SLC3A1: variants seen among roughly 807,000 people sequenced by gnomAD.
SLC3A1 encodes the protein amino acid transporter heavy chain SLC3A1.
SLC3A1 carries 78 observed loss-of-function variants against 60.3 expected under a neutral mutation model. That is an observed-to-expected ratio of 1.29 (90% CI 1.08 to 1.56). The LOEUF (loss-of-function observed/expected upper bound fraction) is 1.56, where lower values mean the gene tolerates loss of function less well. Ranked by LOEUF, SLC3A1 falls within the 40% of genes most tolerant of loss-of-function variation. The probability of loss-of-function intolerance (pLI) is 0.00; values close to 1 mark genes in which losing one functional copy is unlikely to be tolerated. For missense variants in SLC3A1, 1,172 were observed against 858.9 expected (o/e 1.36, Z -4.56); for synonymous variants, 392 against 307.9 (o/e 1.27, Z -2.86).
Position 44,280,990 on chromosome 2 carries a change from A to T in SLC3A1, c.610+95A>T. On this transcript the variant is annotated intron_variant, in intron 2 of 9. Transcript: ENST00000260649. ...AAAGCATTTCTTCTCCTTAACTGTC[A>T]TATACTATTTCTTTCCCTCCCTCCC... 2 of 1,091,228 alleles carry T rather than the reference A, an allele frequency of 1.8e-6. 1 individual carries two copies. Among genetic ancestry groups the T allele is most frequent in the South Asian group, 2.5e-5 (2 of 78,472 alleles). The allele number at this position is 1,091,228 out of a possible 1,614,324, so 67.6% of individuals were successfully genotyped here.
chr2:44,296,077 G>A (rs1030011358), intron 4 of SLC3A1, among the ~76,000 whole-genome samples: 5 of 152,130 alleles, frequency 3.3e-5, no homozygotes, highest in Non-Finnish European at 7.4e-5. Context: ...TCATAGTAAG[G>A]TCACTCCTGA....
rs1390411732 is a variant in SLC3A1 at position 44,313,273 on chromosome 2, G to T, written c.1500+520G>T. Among the ~76,000 whole-genome samples, 6 of 152,136 alleles carry T rather than the reference G, an allele frequency of 3.9e-5. No individual in the cohort carries two copies. The East Asian group carries it at 1.2e-3, about 29-fold the overall frequency. ...TTTTATTTTGTAGCTACAGATTTCA[G>T]AATTGTGTTGCTGGGTAGACGACTA... is the stretch of plus-strand genomic sequence containing the variant. On this transcript the variant is annotated intron_variant, in intron 8 of 9. Transcript: ENST00000260649.
At position 44,300,064 on chromosome 2, in the gene SLC3A1, A is replaced by T. The variant is rs758620773; in HGVS notation, c.985A>T (p.Ile329Phe). Residue 329 changes from isoleucine (I) to phenylalanine (F), a missense_variant, in exon 5 of 10, where the codon ATC becomes TTC. Transcript: ENST00000260649. ...LLEAKHLRDEIQVNKTQIPDT... is the reference protein window; with the variant it reads ...LLEAKHLRDEFQVNKTQIPDT... ...AGAAGCAAAGCACCTGAGAGATGAG[A>T]TCCAAGTAAATAAGACCCAAATCCC... is the stretch of plus-strand genomic sequence containing the variant. 11 of 1,613,846 alleles carry T rather than the reference A, an allele frequency of 6.8e-6. No individual in the cohort carries two copies. The highest frequency in any genetic ancestry group is 9.3e-6 in the Non-Finnish European group (11 of 1,179,878).
chr2:44,289,550 T>C (rs1272911410), intron 4 of SLC3A1, among the ~76,000 whole-genome samples: 2 of 152,000 alleles, frequency 1.3e-5, no homozygotes, highest in East Asian at 3.9e-4. Flanking sequence ...AAATAATTTT[T>C]CCTATTCTGT....
chr2:44,316,202 A>C (rs1327282604), intron 9 of SLC3A1: 1 of 152,250 alleles, frequency 6.6e-6, no homozygotes, highest in East Asian at 1.9e-4. Context: ...CAAGGCCATA[A>C]AAGGGAGACA....
chr2:44,303,584 ATTTT>A (rs375151265), intron 6 of SLC3A1, among the ~76,000 whole-genome samples: 1 of 151,256 alleles, frequency 6.6e-6, no homozygotes, highest in African/African-American at 2.4e-5. Context: ...TTTCTGCCTT[ATTTT>A]TTATTATTAT....
chr2:44,281,950 C>T (rs1671509321), intron 3 of SLC3A1, among the ~76,000 whole-genome samples: 1 of 152,156 alleles, frequency 6.6e-6, no homozygotes, highest in African/African-American at 2.4e-5. Context: ...TCTCAGCTCA[C>T]TGCAAACTCC....
At chr2:44,297,504 C>G (rs1330125606) in intron 4 of SLC3A1, among the ~76,000 whole-genome samples, 2 of 152,192 alleles carry the variant, frequency 1.3e-5, no homozygotes, top group Non-Finnish European at 2.9e-5. Flanking sequence ...TGTGCCCACC[C>G]ACATATTTTG....
intron 1 of SLC3A1, among the ~76,000 whole-genome samples, chr2:44,278,517 C>T (rs1487741262): frequency 2.0e-5 from 3 of 151,790 alleles, no homozygotes; most frequent in East Asian, 1.9e-4. Flanking sequence ...AGGGGAAAAG[C>T]CCAGATCCCA....
At chr2:44,311,698 ATCATTT>A (rs1672301356) in intron 7 of SLC3A1, among the ~76,000 whole-genome samples, 1 of 148,544 alleles carries the variant, frequency 6.7e-6, no homozygotes, top group Non-Finnish European at 1.5e-5. Flanking sequence ...AATTATAAAG[ATCATTT>A]TCATACAGCT....
chr2:44,302,136 T>C (rs958128618), intron 6 of SLC3A1, among the ~76,000 whole-genome samples: 2 of 152,200 alleles, frequency 1.3e-5, no homozygotes, highest in Non-Finnish European at 2.9e-5. Flanking sequence ...CCTAGTACAG[T>C]ATATAAATCC....
At chr2:44,277,857 A>G (rs535074982) in intron 1 of SLC3A1, among the ~76,000 whole-genome samples, 6 of 152,158 alleles carry the variant, frequency 3.9e-5, no homozygotes, top group Admixed American at 3.3e-4. Flanking sequence ...CCTGCAATCC[A>G]TAGGCATTTG....
At chr2:44,282,465 G>C (rs987114260) in intron 3 of SLC3A1, among the ~76,000 whole-genome samples, 6 of 151,900 alleles carry the variant, frequency 3.9e-5, no homozygotes, top group Admixed American at 3.9e-4. Context: ...CATCAAGCCT[G>C]CCTGCCCCAT....
At chr2:44,311,892 T>C (rs948112478) in intron 7 of SLC3A1, among the ~76,000 whole-genome samples, 4 of 152,124 alleles carry the variant, frequency 2.6e-5, no homozygotes, top group Non-Finnish European at 5.9e-5. Context: ...TTGCTAGCAC[T>C]GTTGTGTGAA....
chr2:44,304,066 C>A (rs1354516963), intron 6 of SLC3A1, 77 bp from the exon 7 acceptor site: 1 of 1,086,016 alleles, frequency 9.2e-7, no homozygotes, highest in Non-Finnish European at 1.4e-6. Context: ...CTTGTACATG[C>A]AAGATAAGCA....
At position 44,312,726 on chromosome 2, in the gene SLC3A1, C is replaced by T. The variant is rs144065614; in HGVS notation, c.1473C>T (p.Ala491=). ...GEEIGMGNIV[A]ANLNESYDIN... is the part of the protein sequence containing the mutation. ...AAATTGGAATGGGAAATATTGTAGC[C>T]GCAAATCTCAATGAAAGCTATGATA... The change falls in exon 8 of 10, where the codon GCC becomes GCT. Residue 491 remains alanine, a synonymous_variant. Transcript: ENST00000260649. The T allele has an allele frequency of 2.8e-4, 455 of 1,613,180 alleles. 4 individuals are homozygous for T. The Middle Eastern group carries it at 6.8e-3, about 24-fold the overall frequency.
rs191978647 is a variant in SLC3A1, at chr2:44,289,895, T to A, written c.891+3738T>A. Among the ~76,000 whole-genome samples the A allele has an allele frequency of 2.7e-3, 411 of 152,314 alleles. 8 individuals carry two copies. Among genetic ancestry groups the A allele is most frequent in the Admixed American group, 0.019 (290 of 15,294 alleles). ...ATCCACCCGCCTCGGCCTCCCAAAG[T>A]GCAGGGATTACAGGCATGAGCCACT... On this transcript the variant is annotated intron_variant, in intron 4 of 9. Coordinates refer to ENST00000260649, the MANE Select transcript of SLC3A1 (RefSeq NM_000341.4).
intron 6 of SLC3A1, among the ~76,000 whole-genome samples, chr2:44,303,269 A>C (rs568760438): frequency 6.0e-4 from 88 of 147,484 alleles, no homozygotes; most frequent in South Asian, 4.1e-3. Flanking sequence ...TTTTAAAGAC[A>C]TTCTCACTTT....
intron 9 of SLC3A1, chr2:44,314,290 G>A (rs1672370573): frequency 3.7e-6 from 2 of 542,576 alleles, no homozygotes; most frequent in African/African-American, 1.9e-5. Context: ...CAAAAGGCAG[G>A]GAGAGAGGCG....
Sources: allele counts gnomAD v4.1 joint callset (sites outside exome capture counted in the v4.1 genomes callset), GRCh38; gene constraint gnomAD v4.1.1; transcripts MANE v1.5; gene names NCBI Gene and HGNC (gene_info 2026-07-23, HGNC 2026-07-21).